PLCL2: variants seen among roughly 807,000 people sequenced by gnomAD.
PLCL2 encodes the protein inactive phospholipase C-like protein 2.
A neutral mutation model predicts 79.6 loss-of-function variants in PLCL2; 4 were observed. That is an observed-to-expected ratio of 0.05 (90% CI 0.02 to 0.11). PLCL2 has a LOEUF of 0.11. PLCL2 is among the 10% of genes least tolerant of loss of function. The pLI, the probability that PLCL2 is intolerant of heterozygous loss-of-function variation, is 1.00. For synonymous variants in PLCL2, 484 were observed against 457.7 expected (o/e 1.06, Z -0.73); for missense variants, 895 against 1,291.0 (o/e 0.69, Z 4.70).
intron 1 of PLCL2, among the ~76,000 whole-genome samples, chr3:16,925,332 C>T (rs932588318): frequency 6.6e-6 from 1 of 151,850 alleles, no homozygotes; most frequent in South Asian, 2.1e-4. Flanking sequence ...TTAGCCAGTT[C>T]AAGTTATAAA....
At chr3:16,938,893 T>C (rs1034469583) in intron 1 of PLCL2, among the ~76,000 whole-genome samples, 2 of 152,240 alleles carry the variant, frequency 1.3e-5, no homozygotes, top group Admixed American at 6.5e-5. Context: ...TTCAGAAATA[T>C]GAAGAAAATT....
intron 3 of PLCL2, among the ~76,000 whole-genome samples, chr3:17,022,240 G>T (rs114123338): frequency 0.028 from 4,335 of 152,246 alleles, 227 homozygotes; most frequent in African/African-American, 0.1. Context: ...TTACGCAAAA[G>T]AATACTACTA....
At chr3:16,982,208 T>C (rs951690947) in intron 1 of PLCL2, among the ~76,000 whole-genome samples, 2 of 152,228 alleles carry the variant, frequency 1.3e-5, no homozygotes, top group Non-Finnish European at 2.9e-5. Flanking sequence ...CATAAATCTT[T>C]CTTCAAATTT....
At chr3:16,907,555 T>G (rs906747392) in intron 1 of PLCL2, among the ~76,000 whole-genome samples, 24 of 152,234 alleles carry the variant, frequency 1.6e-4, no homozygotes, top group Admixed American at 1.0e-3. Flanking sequence ...TGATGCCCAG[T>G]TCCCCAGAGC....
chr3:17,054,132 C>T (rs1386806809), intron 4 of PLCL2, among the ~76,000 whole-genome samples: 4 of 152,168 alleles, frequency 2.6e-5, no homozygotes, highest in Non-Finnish European at 5.9e-5. Context: ...GAACACTTTG[C>T]TGCTTAGGAA....
intron 1 of PLCL2, among the ~76,000 whole-genome samples, chr3:16,960,406 C>T (rs2063744339): frequency 6.6e-6 from 1 of 152,164 alleles, no homozygotes; most frequent in Non-Finnish European, 1.5e-5. Context: ...AATTTCTAAA[C>T]ACTATAGGAA....
chr3:17,061,928 C>G (rs571156898), intron 4 of PLCL2, among the ~76,000 whole-genome samples: 1 of 152,272 alleles, frequency 6.6e-6, no homozygotes. Flanking sequence ...CCTTTCTCTG[C>G]TGCTTGATGA....
rs190520869 is a variant in PLCL2 at position 17,019,375 on chromosome 3, T to C, written c.3018+4464T>C. Among the ~76,000 whole-genome samples the C allele has an allele frequency of 5.3e-5, 8 of 152,346 alleles. No homozygotes were observed. The East Asian group carries it at 7.7e-4, about 15-fold the overall frequency. ...TGAAATAGAACTCAGAGACCACCTATTGAGCACCTTTATTTTGCACGTGAG... is the reference window on the plus strand; with the variant it reads ...TGAAATAGAACTCAGAGACCACCTACTGAGCACCTTTATTTTGCACGTGAG... On this transcript the variant is annotated intron_variant, in intron 3 of 5. Transcript: ENST00000615277.
chr3:16,961,479 A>G (rs970617816), intron 1 of PLCL2, among the ~76,000 whole-genome samples: 2 of 152,160 alleles, frequency 1.3e-5, no homozygotes, highest in African/African-American at 4.8e-5. Context: ...TTGTTTTCAG[A>G]CAAGGGTTTA....
At chr3:16,966,026 T>A (rs1278830604) in intron 1 of PLCL2, among the ~76,000 whole-genome samples, 6 of 152,138 alleles carry the variant, frequency 3.9e-5, no homozygotes, top group East Asian at 3.8e-4. Flanking sequence ...TCCTGCCTAA[T>A]TGCCCTGGCC....
chr3:16,898,215 C>G (rs1012290856), intron 1 of PLCL2, among the ~76,000 whole-genome samples: 1 of 152,122 alleles, frequency 6.6e-6, no homozygotes, highest in African/African-American at 2.4e-5. Flanking sequence ...ACACATATAC[C>G]TTTGACAGGC....
chr3:17,039,334 C>T (rs1040942516), intron 3 of PLCL2, among the ~76,000 whole-genome samples: 2 of 152,196 alleles, frequency 1.3e-5, no homozygotes, highest in African/African-American at 4.8e-5. Flanking sequence ...GAAGGCCCAT[C>T]GCCTAACCTG....
chr3:17,022,807 C>T (rs2064470418), intron 3 of PLCL2, among the ~76,000 whole-genome samples: 1 of 152,134 alleles, frequency 6.6e-6, no homozygotes, highest in African/African-American at 2.4e-5. Flanking sequence ...ATACTCATCC[C>T]AGGTGAAAAA....
chr3:16,950,335 G>A (rs2063639212), intron 1 of PLCL2, among the ~76,000 whole-genome samples: 1 of 151,952 alleles, frequency 6.6e-6, no homozygotes. Flanking sequence ...TTCTTAACAG[G>A]CTTGCATACC....
chr3:16,995,343 C>T (rs2064143003), intron 1 of PLCL2, among the ~76,000 whole-genome samples: 1 of 152,206 alleles, frequency 6.6e-6, no homozygotes. Flanking sequence ...GTTGTATTTG[C>T]ACACAAAGGG....
chr3:17,020,009 T>C (rs1257626930), intron 3 of PLCL2, among the ~76,000 whole-genome samples: 1 of 152,168 alleles, frequency 6.6e-6, no homozygotes, highest in African/African-American at 2.4e-5. Context: ...TTTCGGTGCA[T>C]CTCCTCTCCC....
At chr3:17,003,272 C>T (rs1227472524) in intron 1 of PLCL2, among the ~76,000 whole-genome samples, 1 of 152,062 alleles carries the variant, frequency 6.6e-6, no homozygotes, top group African/African-American at 2.4e-5. Flanking sequence ...TCTTCCAGGT[C>T]ATTAGTGTTG....
chr3:17,077,633 A>G (rs1490694949), intron 5 of PLCL2, among the ~76,000 whole-genome samples: 2 of 152,150 alleles, frequency 1.3e-5, no homozygotes, highest in African/African-American at 4.8e-5. Flanking sequence ...TCACTGTGTC[A>G]ATTGATTGCC....
rs138641366 is a variant in PLCL2 at position 17,057,982 on chromosome 3, A to G, written c.3095-9974A>G. ...CCCCTAAGAGGGCTCCAGGTCAAGT[A>G]TTGGAGACAGGCATCTAAGCCACTC... On this transcript the variant is annotated intron_variant, in intron 4 of 5. Coordinates refer to ENST00000615277, the MANE Select transcript of PLCL2 (RefSeq NM_001144382.2). Among the ~76,000 whole-genome samples the G allele has an allele frequency of 7.5e-3, 1,141 of 152,352 alleles. 15 individuals carry two copies. Among genetic ancestry groups the G allele is most frequent in the African/African-American group, 0.026 (1,070 of 41,584 alleles).
Sources: gnomAD v4.1 joint callset for allele counts (sites outside exome capture counted in the v4.1 genomes callset) on GRCh38, gnomAD v4.1.1 for gene constraint, MANE v1.5 for transcripts, NCBI Gene and HGNC (gene_info 2026-07-23, HGNC 2026-07-21) for gene names.